STARD8: variants seen among roughly 807,000 people sequenced by gnomAD.
The protein encoded by STARD8 is StAR related lipid transfer domain containing 8.
STARD8 carries 25 observed loss-of-function variants against 69.4 expected under a neutral mutation model. The ratio of observed to expected loss-of-function variants is 0.36; its 90% CI spans 0.26 to 0.50. The LOEUF (loss-of-function observed/expected upper bound fraction) is 0.50. Among genes scored for constraint, STARD8 ranks in the 20% least tolerant of loss-of-function variants. The probability of loss-of-function intolerance (pLI) is 0.96; values close to 1 mark genes in which losing one functional copy is unlikely to be tolerated. For synonymous variants in STARD8, 389 were observed against 374.6 expected, an observed-to-expected ratio of 1.04 and a Z score of -0.45; for missense variants, 921 against 932.5, an observed-to-expected ratio of 0.99 and a Z score of 0.16.
At chrX:68,678,220 ACAGT>A (rs1430212346) in intron 2 of STARD8, among the ~76,000 whole-genome samples, 1 of 111,614 alleles carries the variant, frequency 9.0e-6, no homozygotes, top group Non-Finnish European at 1.9e-5. Flanking sequence ...ATCAGGAGAA[ACAGT>A]CAGGACCAGC....
rs1380181854 is a variant in STARD8, at chrX:68,718,069, T to C, written c.1155T>C (p.Tyr385=). The C allele has an allele frequency of 1.7e-6, 2 of 1,209,424 alleles. No homozygotes were observed. The highest frequency in any genetic ancestry group is 3.5e-5 in the African/African-American group (2 of 57,101). The part of the protein sequence containing the change: ...DEDDEESGGS[Y]AHLDDILQHV... ...ATGATGAGGAGAGTGGGGGCAGCTA[T>C]GCTCACCTAGACGACATCCTCCAGC... Residue 385 remains tyrosine, a synonymous_variant, in exon 6 of 15, where the codon TAT becomes TAC. Transcript: ENST00000374599.
chrX:68,650,806 C>CAA (rs751018293), intron 1 of STARD8, among the ~76,000 whole-genome samples: 1 of 107,992 alleles, frequency 9.3e-6, no homozygotes, highest in Non-Finnish European at 1.9e-5. Flanking sequence ...CAAAACAAAA[C>CAA]AAAACAAAAC....
Position 68,722,576 on chromosome X carries a change from A to C in STARD8, c.2729A>C (p.Asp910Ala). Residue 910 changes from aspartate to alanine, a missense_variant, in exon 12 of 15, where the codon GAT becomes GCT. Coordinates refer to ENST00000374599, the MANE Select transcript of STARD8 (RefSeq NM_001142503.3). Reference protein sequence around the residue: ...MEENIQDLLRDAAERFKGWMS... With the variant: ...MEENIQDLLRAAAERFKGWMS... Reference sequence around the variant, plus strand: ...GAGAATATCCAGGACCTGCTGCGTGATGCTGCTGAGCGCTTCAAGGGCTGG... The same window carrying C: ...GAGAATATCCAGGACCTGCTGCGTGCTGCTGCTGAGCGCTTCAAGGGCTGG... The C allele has an allele frequency of 8.3e-7, 1 of 1,212,023 alleles. No individual in the cohort carries two copies. The highest frequency in any genetic ancestry group is 1.1e-6 in the Non-Finnish European group (1 of 895,616).
At position 68,718,340 on chromosome X, in the gene STARD8, C is replaced by T; in HGVS notation, c.1426C>T (p.Pro476Ser). The change falls in exon 6 of 15, where the codon CCA (proline) becomes TCA (serine). Residue 476 changes from proline (P) to serine (S), a missense_variant. By Grantham distance (74) the Pro-to-Ser change is moderately conservative (BLOSUM62 -1). Transcript: ENST00000374599. ...APAQAPAEAE[P>S]VAQEEAEAPA... ...GGCTCAGGCTCCAGCTGAGGCTGAA[C>T]CAGTGGCACAGGAAGAGGCTGAGGC... 3 of 1,209,380 alleles carry T rather than the reference C, an allele frequency of 2.5e-6. No homozygotes were observed. The highest frequency in any genetic ancestry group is 3.4e-6 in the Non-Finnish European group (3 of 894,400).
chrX:68,661,214 C>A (rs1358770345), intron 1 of STARD8, among the ~76,000 whole-genome samples: 1 of 111,661 alleles, frequency 9.0e-6, no homozygotes, highest in East Asian at 2.9e-4. Context: ...AGAGTGAGCT[C>A]CATCCCAGCC....
At chrX:68,712,579 C>T (rs1428661243) in intron 2 of STARD8, among the ~76,000 whole-genome samples, 1 of 112,319 alleles carries the variant, frequency 8.9e-6, no homozygotes, top group Non-Finnish European at 1.9e-5. Context: ...ACAGCTGTGG[C>T]TTCTTATCCC....
intron 2 of STARD8, among the ~76,000 whole-genome samples, chrX:68,686,270 C>G (rs1252236667): frequency 9.2e-6 from 1 of 108,699 alleles, no homozygotes. Context: ...TTTCTAATTG[C>G]GACTGAGGGG....
chrX:68,696,501 C>T (rs750905754), intron 2 of STARD8, among the ~76,000 whole-genome samples: 1 of 112,003 alleles, frequency 8.9e-6, no homozygotes, highest in Admixed American at 9.4e-5. Context: ...GCATGCTAAA[C>T]AGTTGCTGTT....
intron 1 of STARD8, among the ~76,000 whole-genome samples, chrX:68,652,939 C>CA (rs2079564050): frequency 1.5e-5 from 1 of 67,325 alleles, no homozygotes; most frequent in African/African-American, 5.8e-5. Context: ...ACACACCACA[C>CA]ACACACACCA....
intron 2 of STARD8, 74 bp downstream of exon 2, chrX:68,665,606 C>T (rs1052635970): frequency 1.5e-5 from 16 of 1,077,321 alleles, no homozygotes; most frequent in Admixed American, 2.5e-5. Context: ...ATGGGGCAAC[C>T]GATCAGGTCC....
intron 4 of STARD8, 124 bp from the exon 5 acceptor site, chrX:68,716,244 C>G (rs775642670): frequency 1.7e-6 from 1 of 590,086 alleles, no homozygotes. Flanking sequence ...TAAACCTTCA[C>G]GAATATTGGA....
At chrX:68,650,022 A>G (rs2079536928) in intron 1 of STARD8, among the ~76,000 whole-genome samples, 1 of 111,301 alleles carries the variant, frequency 9.0e-6, no homozygotes, top group African/African-American at 3.3e-5. Context: ...CCCCTACCCC[A>G]GTTAACTGTT....
At chrX:68,654,540 T>C (rs5980817) in intron 1 of STARD8, among the ~76,000 whole-genome samples, 44,384 of 110,517 alleles carry the variant, frequency 0.4, 10,085 homozygotes, top group African/African-American at 0.87. Flanking sequence ...ACTTAGGTCA[T>C]GCACATGAGT....
intron 2 of STARD8, among the ~76,000 whole-genome samples, chrX:68,702,557 G>T (rs768844246): frequency 1.1e-4 from 12 of 112,043 alleles, no homozygotes; most frequent in Admixed American, 2.8e-4. Context: ...TTTTGTGTCT[G>T]CTGTGTGCCA....
intron 1 of STARD8, among the ~76,000 whole-genome samples, chrX:68,661,878 T>TTTCCTTCC (rs748806413): frequency 0.052 from 3,326 of 64,106 alleles, 285 homozygotes; most frequent in African/African-American, 0.16. Context: ...CTTTCTTTCT[T>TTTCCTTCC]TTCCTTCCTT....
intron 1 of STARD8, among the ~76,000 whole-genome samples, chrX:68,663,390 T>G (rs768370069): frequency 1.8e-5 from 2 of 112,078 alleles, no homozygotes; most frequent in Admixed American, 9.4e-5. Context: ...CTTGAGCAAA[T>G]CATTTCACTT....
At chrX:68,720,828 G>C in intron 8 of STARD8, 96 bp from the exon 9 acceptor site, 1 of 864,076 alleles carries the variant, frequency 1.2e-6, no homozygotes. Context: ...CTCTGGGGTG[G>C]CCTAGGCTCC....
At chrX:68,653,349 C>CA (rs2079583914) in intron 1 of STARD8, among the ~76,000 whole-genome samples, 1 of 40,527 alleles carries the variant, frequency 2.5e-5, no homozygotes, top group Non-Finnish European at 4.6e-5. Context: ...ACCACACACA[C>CA]CCCACACACA....
intron 2 of STARD8, among the ~76,000 whole-genome samples, chrX:68,694,546 A>G (rs1274548148): frequency 9.0e-6 from 1 of 111,609 alleles, no homozygotes; most frequent in Non-Finnish European, 1.9e-5. Flanking sequence ...ATTACGACTC[A>G]GGAAACTGGG....
Sources: allele counts gnomAD v4.1 joint callset (sites outside exome capture counted in the v4.1 genomes callset), GRCh38; gene constraint gnomAD v4.1.1; transcripts MANE v1.5; gene names NCBI Gene and HGNC (gene_info 2026-07-23, HGNC 2026-07-21).